Variants in CFAP299 observed in about 807,000 individuals in gnomAD.
CFAP299 encodes cilia- and flagella-associated protein 299.
A neutral mutation model predicts 27.0 loss-of-function variants in CFAP299; 21 were observed. That is an observed-to-expected ratio of 0.78 (90% CI 0.55 to 1.12). CFAP299 has a LOEUF of 1.12. Among genes scored for constraint, CFAP299 ranks in the 50% most tolerant of loss-of-function variants. The pLI is 0.00. For missense variants in CFAP299, 310 were observed against 276.6 expected, an observed-to-expected ratio of 1.12 and a Z score of -0.86; for synonymous variants, 104 against 98.1, an observed-to-expected ratio of 1.06 and a Z score of -0.36.
intron 3 of CFAP299, among the ~76,000 whole-genome samples, chr4:80,730,863 A>C (rs1033949499): frequency 1.3e-5 from 2 of 152,146 alleles, no homozygotes; most frequent in African/African-American, 4.8e-5. Context: ...TAAAATATTG[A>C]ACTATTTGGA....
rs1369015094 is a variant in CFAP299, at chr4:80,944,876, T to A, written c.543T>A (p.Asp181Glu). The A allele has an allele frequency of 6.2e-7, 1 of 1,612,490 alleles. No individual in the cohort carries two copies. The highest frequency in any genetic ancestry group is 1.3e-5 in the African/African-American group (1 of 74,906). The change falls in exon 5 of 6, where the codon GAT (aspartate) becomes GAA (glutamate). Residue 181 changes from aspartate to glutamate, a missense_variant. Transcript: ENST00000358105. ...NSSPNYQVIA[D>E]NPEGLLFRYK... ...GTCCCAACTATCAAGTGATTGCCGA[T>A]AATCCAGAAGGCTTACTTTTCAGAT...
intron 3 of CFAP299, among the ~76,000 whole-genome samples, chr4:80,813,834 A>T (rs573289955): frequency 6.6e-6 from 1 of 152,144 alleles, no homozygotes; most frequent in Non-Finnish European, 1.5e-5. Flanking sequence ...GATATAATTT[A>T]TTATCCAGAA....
intron 2 of CFAP299, among the ~76,000 whole-genome samples, chr4:80,434,959 T>C (rs1269501155): frequency 2.0e-5 from 3 of 152,232 alleles, no homozygotes; most frequent in Admixed American, 6.5e-5. Flanking sequence ...GCTTTTGCTC[T>C]TTTAGTGAAA....
At chr4:80,448,713 A>G (rs936143303) in intron 2 of CFAP299, among the ~76,000 whole-genome samples, 1 of 152,186 alleles carries the variant, frequency 6.6e-6, no homozygotes, top group Non-Finnish European at 1.5e-5. Context: ...TAATAAAAAA[A>G]AAACCACATC....
chr4:80,590,931 G>A (rs1168547369), intron 3 of CFAP299, among the ~76,000 whole-genome samples: 3 of 151,784 alleles, frequency 2.0e-5, no homozygotes, highest in African/African-American at 7.3e-5. Context: ...TTCCAATATG[G>A]GAGAATGTTA....
chr4:80,851,091 A>C (rs1177828753), intron 3 of CFAP299, among the ~76,000 whole-genome samples: 1 of 152,078 alleles, frequency 6.6e-6, no homozygotes, highest in African/African-American at 2.4e-5. Flanking sequence ...AGACAGTAAC[A>C]CAGACAATTT....
At chr4:80,649,364 T>G (rs553512757) in intron 3 of CFAP299, among the ~76,000 whole-genome samples, 1 of 152,156 alleles carries the variant, frequency 6.6e-6, no homozygotes, top group East Asian at 1.9e-4. Context: ...AGCTTCTTCA[T>G]AGAAGAGATG....
At chr4:80,563,209 T>C (rs914917287) in intron 2 of CFAP299, among the ~76,000 whole-genome samples, 1 of 152,098 alleles carries the variant, frequency 6.6e-6, no homozygotes, top group Non-Finnish European at 1.5e-5. Context: ...TTAATGGATA[T>C]GTATAGAACA....
chr4:80,337,653 C>T (rs1404558331), intron 1 of CFAP299, among the ~76,000 whole-genome samples: 1 of 152,160 alleles, frequency 6.6e-6, no homozygotes, highest in Non-Finnish European at 1.5e-5. Flanking sequence ...CGGCCTCAGC[C>T]TCCCAAAGTG....
chr4:80,588,358 G>C (rs1223782082), intron 3 of CFAP299, among the ~76,000 whole-genome samples: 1 of 150,434 alleles, frequency 6.6e-6, no homozygotes. Flanking sequence ...CAGTGCTCTA[G>C]AACTACAGAT....
At chr4:80,725,388 T>C (rs1255841356) in intron 3 of CFAP299, among the ~76,000 whole-genome samples, 1 of 152,130 alleles carries the variant, frequency 6.6e-6, no homozygotes, top group African/African-American at 2.4e-5. Context: ...TCACTTTCTC[T>C]TCTTGACTTT....
chr4:80,797,298 G>A (rs996418395), intron 3 of CFAP299, among the ~76,000 whole-genome samples: 30 of 152,148 alleles, frequency 2.0e-4, no homozygotes, highest in Non-Finnish European at 3.8e-4. Context: ...TTTTGGGTCT[G>A]TAAACTGGCT....
At position 80,678,958 on chromosome 4, in the gene CFAP299, G is replaced by GT. The variant is rs1291188580; in HGVS notation, c.333+95780dup. Among the ~76,000 whole-genome samples the GT allele has an allele frequency of 5.9e-5, 9 of 152,048 alleles. No homozygotes were observed. The South Asian group carries it at 1.7e-3, about 28-fold the overall frequency. On this transcript the variant is annotated intron_variant, in intron 3 of 5. Coordinates refer to ENST00000358105, the MANE Select transcript of CFAP299 (RefSeq NM_152770.3). ...CACAAGTTGCTACATGCATCCATTT[G>GT]TTTTTCTGTGTTTGTATGAATTTTC...
At chr4:80,442,028 C>A (rs186083002) in intron 2 of CFAP299, among the ~76,000 whole-genome samples, 20 of 152,014 alleles carry the variant, frequency 1.3e-4, no homozygotes, top group African/African-American at 4.8e-4. Context: ...ATATATGCAC[C>A]CAATATAGGA....
At chr4:80,421,192 T>C (rs1471005584) in intron 2 of CFAP299, among the ~76,000 whole-genome samples, 1 of 152,234 alleles carries the variant, frequency 6.6e-6, no homozygotes. Flanking sequence ...CCTTTTATTA[T>C]ATGATCTGTA....
intron 2 of CFAP299, among the ~76,000 whole-genome samples, chr4:80,522,961 G>C (rs72875730): frequency 2.0e-5 from 3 of 151,944 alleles, no homozygotes; most frequent in African/African-American, 7.3e-5. Context: ...TCTTTCTCAA[G>C]GTTGTTTGAA....
chr4:80,457,849 T>C (rs1482875339), intron 2 of CFAP299, among the ~76,000 whole-genome samples: 1 of 152,216 alleles, frequency 6.6e-6, no homozygotes, highest in Non-Finnish European at 1.5e-5. Context: ...ATCCATGTTT[T>C]GCCGGGCTTG....
At chr4:80,858,716 G>A (rs1732101804) in intron 3 of CFAP299, among the ~76,000 whole-genome samples, 1 of 152,170 alleles carries the variant, frequency 6.6e-6, no homozygotes, top group East Asian at 1.9e-4. Flanking sequence ...TAGTTGAGCG[G>A]TTTTGAGTGA....
chr4:80,371,754 C>A (rs116504865), intron 2 of CFAP299, among the ~76,000 whole-genome samples: 3,099 of 151,918 alleles, frequency 0.02, 50 homozygotes, highest in Non-Finnish European at 0.03. Flanking sequence ...TCTGAGACCA[C>A]TTCAGCCTAC....
Sources: gnomAD v4.1 joint callset for allele counts (sites outside exome capture counted in the v4.1 genomes callset) on GRCh38, gnomAD v4.1.1 for gene constraint, MANE v1.5 for transcripts, NCBI Gene and HGNC (gene_info 2026-07-23, HGNC 2026-07-21) for gene names.